UGGT2: variants seen among roughly 807,000 people sequenced by gnomAD.
UGGT2 encodes UDP-glucose glycoprotein glucosyltransferase 2.
A neutral mutation model predicts 192.1 loss-of-function variants in UGGT2; 180 were observed. The ratio of observed to expected loss-of-function variants is 0.94; its 90% CI spans 0.83 to 1.06. UGGT2 has a LOEUF of 1.06. Ranked by LOEUF, UGGT2 falls within the 50% of genes least tolerant of loss-of-function variation. UGGT2 has a pLI of 0.00. For synonymous variants in UGGT2, 580 were observed against 591.0 expected (o/e 0.98, Z 0.27); for missense variants, 1,849 against 1,795.7 (o/e 1.03, Z -0.54).
chr13:95,891,266 T>C (rs891010741), intron 24 of UGGT2, among the ~76,000 whole-genome samples: 1 of 152,142 alleles, frequency 6.6e-6, no homozygotes, highest in Non-Finnish European at 1.5e-5. Flanking sequence ...TTCTCATGGA[T>C]TGTACAATTT....
At chr13:96,046,211 A>C (rs1475532827) in intron 1 of UGGT2, among the ~76,000 whole-genome samples, 1 of 152,214 alleles carries the variant, frequency 6.6e-6, no homozygotes, top group Non-Finnish European at 1.5e-5. Context: ...CCTTCGAGAA[A>C]GCAAACAAAA....
chr13:96,004,592 G>A (rs1431673932), intron 5 of UGGT2, among the ~76,000 whole-genome samples: 2 of 151,902 alleles, frequency 1.3e-5, no homozygotes, highest in Admixed American at 6.6e-5. Flanking sequence ...ATATGTGCAG[G>A]TTAGTGTATA....
chr13:95,941,975 TTTTG>T (rs2049695918), intron 15 of UGGT2, among the ~76,000 whole-genome samples: 1 of 152,206 alleles, frequency 6.6e-6, no homozygotes, highest in Non-Finnish European at 1.5e-5. Context: ...CCATACTTAG[TTTTG>T]TTTGCTTCTG....
chr13:95,908,089 C>T (rs1282993629), intron 20 of UGGT2, among the ~76,000 whole-genome samples: 2 of 152,156 alleles, frequency 1.3e-5, no homozygotes, highest in Non-Finnish European at 2.9e-5. Flanking sequence ...GGCATGAGAA[C>T]TTCGTGACAC....
At chr13:96,052,041 C>T (rs978215795) in intron 1 of UGGT2, among the ~76,000 whole-genome samples, 2 of 152,122 alleles carry the variant, frequency 1.3e-5, no homozygotes, top group African/African-American at 4.8e-5. Flanking sequence ...TATAGCAGCA[C>T]AATTCACAAG....
intron 20 of UGGT2, among the ~76,000 whole-genome samples, chr13:95,914,280 T>G (rs1438940448): frequency 6.6e-6 from 1 of 151,648 alleles, no homozygotes; most frequent in Non-Finnish European, 1.5e-5. Flanking sequence ...GATGATATAT[T>G]CAAAGTGTTA....
chr13:96,048,775 G>T (rs1385157172), intron 1 of UGGT2, among the ~76,000 whole-genome samples: 1 of 152,076 alleles, frequency 6.6e-6, no homozygotes. Flanking sequence ...ACCCTCCCAA[G>T]ACTAAACCAG....
chr13:96,003,768 T>C (rs2139028894), intron 5 of UGGT2, among the ~76,000 whole-genome samples: 1 of 152,154 alleles, frequency 6.6e-6, no homozygotes, highest in East Asian at 1.9e-4. Flanking sequence ...TAGTACTGAA[T>C]GACCCTCACT....
intron 5 of UGGT2, among the ~76,000 whole-genome samples, chr13:96,003,923 T>C (rs751497724): frequency 6.6e-6 from 1 of 152,142 alleles, no homozygotes; most frequent in African/African-American, 2.4e-5. Context: ...ATCTAATAAA[T>C]GTGCATGGAG....
At chr13:95,820,323 GCAGA>G (rs1470831060) in intron 38 of UGGT2, among the ~76,000 whole-genome samples, 6 of 152,168 alleles carry the variant, frequency 3.9e-5, no homozygotes, top group African/African-American at 1.4e-4. Context: ...CACAGAAGAA[GCAGA>G]CAAAGCAGTC....
At position 95,949,383 on chromosome 13, in the gene UGGT2, T is replaced by C. The variant is rs1302131396; in HGVS notation, c.1407A>G (p.Pro469=). Residue 469 remains proline (P), a synonymous_variant, in exon 13 of 39, where the codon CCA becomes CCG. Transcript: ENST00000376747. ...WPTSCQKLLK[P]VFPGSVPSIR... ...TGGAAGGTACACTTCCAGGAAATAC[T>C]GGCTTCAGAAGTTTCTGGCAACTTG... The C allele has an allele frequency of 6.3e-7, 1 of 1,584,368 alleles. No individual in the cohort carries two copies. The highest frequency in any genetic ancestry group is 1.2e-5 in the South Asian group (1 of 84,808).
At chr13:95,946,646 T>C (rs943219192) in intron 15 of UGGT2, among the ~76,000 whole-genome samples, 5 of 152,190 alleles carry the variant, frequency 3.3e-5, no homozygotes, top group Non-Finnish European at 5.9e-5. Context: ...GCTGGGATTA[T>C]AGGCATGAGC....
intron 38 of UGGT2, among the ~76,000 whole-genome samples, chr13:95,829,793 T>C (rs1204548857): frequency 6.6e-6 from 1 of 151,948 alleles, no homozygotes; most frequent in Non-Finnish European, 1.5e-5. Context: ...AAAGTTCATA[T>C]GGAACCAAAA....
At position 95,806,062 on chromosome 13, in the gene UGGT2, GA is replaced by G. The variant is rs1229994708; in HGVS notation, c.4529-4251del. On this transcript the variant is annotated intron_variant, in intron 38 of 38. Transcript: ENST00000376747. ...AAAAAAAAAAAAAAAACACACAGTG[GA>G]AAAAAAAAAAGTCCAAGGCTAAACA... Among the ~76,000 whole-genome samples the G allele has an allele frequency of 1.6e-3, 201 of 125,462 alleles. 1 individual carries two copies. Among genetic ancestry groups the G allele is most frequent in the Middle Eastern group, 8.8e-3 (2 of 228 alleles). The allele number at this position is 125,462 out of a possible 152,430, so 82.3% of individuals were successfully genotyped here. A position where few individuals can be genotyped will look rare whatever the true frequency, so the allele number is the denominator to read the frequency against.
At chr13:96,053,041 G>T in intron 1 of UGGT2, 114 bp downstream of exon 1, 1 of 1,334,452 alleles carries the variant, frequency 7.5e-7, no homozygotes. Flanking sequence ...CCAGAGCGGG[G>T]GCGTCTGGAG....
chr13:95,952,240 AG>A (rs2050087777), intron 12 of UGGT2, among the ~76,000 whole-genome samples: 1 of 152,164 alleles, frequency 6.6e-6, no homozygotes, highest in Admixed American at 6.5e-5. Context: ...TAACAAAAAA[AG>A]ATACGACGGC....
At chr13:95,802,742 T>C (rs1225058228) in intron 38 of UGGT2, among the ~76,000 whole-genome samples, 1 of 152,234 alleles carries the variant, frequency 6.6e-6, no homozygotes, top group Non-Finnish European at 1.5e-5. Context: ...TCTGTGCCTG[T>C]CAGCTCCCCA....
At chr13:95,877,257 A>C in intron 29 of UGGT2, 22 bp downstream of exon 29, 1 of 1,537,822 alleles carries the variant, frequency 6.5e-7, no homozygotes, top group Non-Finnish European at 8.7e-7. Context: ...GTAAAAATTT[A>C]AAAGCAGCCT....
At chr13:95,927,980 G>A (rs896750065) in intron 17 of UGGT2, among the ~76,000 whole-genome samples, 1 of 152,106 alleles carries the variant, frequency 6.6e-6, no homozygotes, top group African/African-American at 2.4e-5. Context: ...ACGGGGTTGG[G>A]GGTAAGGTTA....
Sources: allele counts gnomAD v4.1 joint callset (sites outside exome capture counted in the v4.1 genomes callset), GRCh38; gene constraint gnomAD v4.1.1; transcripts MANE v1.5; gene names NCBI Gene and HGNC (gene_info 2026-07-23, HGNC 2026-07-21).